Variants in LDB2 observed in about 807,000 individuals in gnomAD.
The protein encoded by LDB2 is LIM domain-binding protein 2.
A neutral mutation model predicts 44.3 loss-of-function variants in LDB2; 12 were observed. That is an observed-to-expected ratio of 0.27 (90% CI 0.17 to 0.44). The LOEUF (loss-of-function observed/expected upper bound fraction) is 0.44. Ranked by LOEUF, LDB2 falls within the 20% of genes least tolerant of loss-of-function variation. The pLI, the probability that LDB2 is intolerant of heterozygous loss-of-function variation, is 1.00. For missense variants in LDB2, 344 were observed against 473.5 expected, an observed-to-expected ratio of 0.73 and a Z score of 2.54; for synonymous variants, 164 against 174.8, an observed-to-expected ratio of 0.94 and a Z score of 0.49.
intron 2 of LDB2, among the ~76,000 whole-genome samples, chr4:16,597,080 A>G (rs1401531508): frequency 6.6e-6 from 1 of 152,236 alleles, no homozygotes; most frequent in Non-Finnish European, 1.5e-5. Context: ...ATGTTTTAAA[A>G]TATTTAATTT....
At chr4:16,684,266 A>G (rs959327701) in intron 2 of LDB2, among the ~76,000 whole-genome samples, 1 of 152,218 alleles carries the variant, frequency 6.6e-6, no homozygotes, top group Middle Eastern at 3.2e-3. Flanking sequence ...AGCAACAGTC[A>G]TGACTCGAAG....
chr4:16,845,425 T>C (rs1026549052), intron 1 of LDB2, among the ~76,000 whole-genome samples: 1 of 152,202 alleles, frequency 6.6e-6, no homozygotes, highest in African/African-American at 2.4e-5. Flanking sequence ...GAAACCCAGA[T>C]GGCAATAGGC....
At chr4:16,746,938 C>G (rs1764517929) in intron 2 of LDB2, among the ~76,000 whole-genome samples, 1 of 152,100 alleles carries the variant, frequency 6.6e-6, no homozygotes, top group African/African-American at 2.4e-5. Flanking sequence ...CCACAAAGCC[C>G]AGAACTAGAA....
intron 2 of LDB2, among the ~76,000 whole-genome samples, chr4:16,684,894 C>T (rs1050408824): frequency 1.3e-5 from 2 of 152,192 alleles, no homozygotes; most frequent in African/African-American, 4.8e-5. Flanking sequence ...TACAGATACT[C>T]TACTTTGTAT....
At chr4:16,568,843 G>T (rs926356571) in intron 5 of LDB2, among the ~76,000 whole-genome samples, 4 of 152,186 alleles carry the variant, frequency 2.6e-5, no homozygotes, top group African/African-American at 9.7e-5. Flanking sequence ...AATTAATGTT[G>T]AAGTAATTAA....
intron 2 of LDB2, among the ~76,000 whole-genome samples, chr4:16,658,808 C>A (rs1226169738): frequency 2.0e-5 from 3 of 152,124 alleles, no homozygotes; most frequent in Admixed American, 6.5e-5. Flanking sequence ...GCCTAACCTC[C>A]CTGAGGGGTG....
At chr4:16,510,264 T>C (rs16893565) in intron 6 of LDB2, among the ~76,000 whole-genome samples, 26,631 of 152,148 alleles carry the variant, frequency 0.18, 2,390 homozygotes, top group African/African-American at 0.18. Flanking sequence ...TCTACTCACC[T>C]ACTATTTTTT....
chr4:16,807,470 T>C (rs1261476701), intron 1 of LDB2, among the ~76,000 whole-genome samples: 2 of 152,240 alleles, frequency 1.3e-5, no homozygotes, highest in African/African-American at 4.8e-5. Flanking sequence ...AAGCATGTTT[T>C]CACTCATTCT....
At chr4:16,520,741 G>C (rs1725758147) in intron 5 of LDB2, among the ~76,000 whole-genome samples, 1 of 152,110 alleles carries the variant, frequency 6.6e-6, no homozygotes, top group Non-Finnish European at 1.5e-5. Flanking sequence ...TGGGAAGGAG[G>C]TCATTGACTG....
intron 1 of LDB2, among the ~76,000 whole-genome samples, chr4:16,831,174 C>CTTT (rs370309653): frequency 0.17 from 21,238 of 126,372 alleles, 2,284 homozygotes; most frequent in Non-Finnish European, 0.21. Context: ...CCTCTCTGAG[C>CTTT]TTTTTTTTTT....
chr4:16,790,997 C>T (rs1234625104), intron 1 of LDB2, among the ~76,000 whole-genome samples: 5 of 152,294 alleles, frequency 3.3e-5, no homozygotes, highest in African/African-American at 1.2e-4. Flanking sequence ...TCAGCAACTT[C>T]TATTTTCTAG....
chr4:16,834,818 T>G (rs1580094394), intron 1 of LDB2, among the ~76,000 whole-genome samples: 1 of 149,302 alleles, frequency 6.7e-6, no homozygotes, highest in African/African-American at 2.4e-5. Context: ...CAGAGCAAGA[T>G]TCCATCTCAA....
At chr4:16,645,573 T>C (rs895876059) in intron 2 of LDB2, among the ~76,000 whole-genome samples, 1 of 147,120 alleles carries the variant, frequency 6.8e-6, no homozygotes, top group Non-Finnish European at 1.5e-5. Context: ...AAGGATTGGT[T>C]AGGTAGATTC....
At chr4:16,619,718 T>A (rs534506315) in intron 2 of LDB2, among the ~76,000 whole-genome samples, 61 of 152,116 alleles carry the variant, frequency 4.0e-4, no homozygotes, top group African/African-American at 1.4e-3. Context: ...CACCAGTGGA[T>A]AATATCGGTT....
At position 16,657,856 on chromosome 4, in the gene LDB2, G is replaced by A. The variant is rs577501867; in HGVS notation, c.236-61981C>T. On this transcript the variant is annotated intron_variant, in intron 2 of 7. Coordinates refer to ENST00000304523, the MANE Select transcript of LDB2 (RefSeq NM_001290.5). ...TTCATCCATTTATCTCAGTGAACAC[G>A]CTTTACTTAGTCCCCACTATTTGGG... 8.5e-5 allele frequency among the ~76,000 whole-genome samples: 13 copies of A among 152,260 alleles called. 1 individual carries two copies. Among genetic ancestry groups the A allele is most frequent in the South Asian group, 4.1e-4 (2 of 4,822 alleles).
chr4:16,633,961 C>T (rs1377607052), intron 2 of LDB2, among the ~76,000 whole-genome samples: 1 of 152,138 alleles, frequency 6.6e-6, no homozygotes, highest in Non-Finnish European at 1.5e-5. Flanking sequence ...TAACACCACA[C>T]ATCTACCACC....
intron 1 of LDB2, among the ~76,000 whole-genome samples, chr4:16,769,845 A>C (rs913774109): frequency 6.6e-6 from 1 of 152,192 alleles, no homozygotes; most frequent in Admixed American, 6.5e-5. Context: ...TGCTCACTAT[A>C]GTTCCCTGTC....
At chr4:16,646,576 C>A (rs1005658997) in intron 2 of LDB2, among the ~76,000 whole-genome samples, 116 of 152,284 alleles carry the variant, frequency 7.6e-4, no homozygotes, top group African/African-American at 2.8e-3. Context: ...GAGCCACTGG[C>A]CCCTGAATGA....
intron 7 of LDB2, chr4:16,505,936 C>G: frequency 6.4e-7 from 1 of 1,551,688 alleles, no homozygotes; most frequent in Non-Finnish European, 8.7e-7. Context: ...ACACAGGTCT[C>G]CATCCCTCCC....
Sources: gnomAD v4.1 joint callset for allele counts (sites outside exome capture counted in the v4.1 genomes callset) on GRCh38, gnomAD v4.1.1 for gene constraint, MANE v1.5 for transcripts, NCBI Gene and HGNC (gene_info 2026-07-23, HGNC 2026-07-21) for gene names.